The following TGFBR3 variants were observed in gnomAD, a reference collection of about 807,000 sequenced individuals.
TGFBR3 encodes transforming growth factor beta receptor type 3.
TGFBR3 carries 46 observed loss-of-function variants against 87.9 expected under a neutral mutation model. The observed-to-expected ratio is 0.52, with a 90% confidence interval of 0.41 to 0.67. TGFBR3 has a LOEUF of 0.67. Ranked by LOEUF, TGFBR3 falls within the 30% of genes least tolerant of loss-of-function variation. The probability of loss-of-function intolerance (pLI) is 0.00; values close to 1 mark genes in which losing one functional copy is unlikely to be tolerated. For synonymous variants in TGFBR3, 381 were observed against 391.6 expected (o/e 0.97, Z 0.32); for missense variants, 866 against 1,041.9 (o/e 0.83, Z 2.32).
In TGFBR3 at chr1:91,709,500, A is replaced by G. The variant is rs369779000; in HGVS notation, c.2167-717T>C. On this transcript the variant is annotated intron_variant, in intron 13 of 16. Transcript: ENST00000212355. The stretch of plus-strand genomic sequence containing the variant: ...TACATTTTTCTCCAATAAGATAATC[A>G]TGTTGCTGAGTTTGTTTCATTTTTA... Among the ~76,000 whole-genome samples the G allele has an allele frequency of 5.3e-5, 8 of 152,346 alleles. No individual in the cohort carries two copies. The South Asian group carries it at 1.7e-3, about 32-fold the overall frequency.
chr1:91,792,328 CG>C (rs1322429291), intron 3 of TGFBR3, among the ~76,000 whole-genome samples: 1 of 152,146 alleles, frequency 6.6e-6, no homozygotes, highest in Non-Finnish European at 1.5e-5. Flanking sequence ...AGCTTTTTGA[CG>C]GGTGAAGTTA....
In TGFBR3 at chr1:91,797,056, G is replaced by T. The variant is rs11466569; in HGVS notation, c.246+231C>A. Among the ~76,000 whole-genome samples, 438 of 152,136 alleles carry T rather than the reference G, an allele frequency of 2.9e-3. 3 individuals carry two copies. Among genetic ancestry groups the T allele is most frequent in the African/African-American group, 9.9e-3 (410 of 41,488 alleles). ...CCTAAAAGTTGAAATTCTTATGAAC[G>T]TTTTTTTCCAATACGGAGGGCCAGG... On this transcript the variant is annotated intron_variant, in intron 3 of 16. Transcript: ENST00000212355.
intron 1 of TGFBR3, among the ~76,000 whole-genome samples, chr1:91,871,942 A>G (rs1344012789): frequency 2.0e-5 from 3 of 152,194 alleles, no homozygotes; most frequent in Non-Finnish European, 4.4e-5. Flanking sequence ...TTAATAAATA[A>G]AGCACTTACT....
intron 14 of TGFBR3, among the ~76,000 whole-genome samples, 182 bp from the exon 15 acceptor site, chr1:91,698,312 T>C (rs562339038): frequency 2.6e-5 from 4 of 152,144 alleles, no homozygotes; most frequent in Non-Finnish European, 5.9e-5. Flanking sequence ...TTTTAAGCAT[T>C]GCATTTTGTT....
intron 2 of TGFBR3, among the ~76,000 whole-genome samples, chr1:91,818,381 G>T (rs1248448739): frequency 1.4e-5 from 2 of 139,748 alleles, no homozygotes; most frequent in African/African-American, 5.3e-5. Flanking sequence ...AGCTGACTCT[G>T]CACATGCCTC....
At chr1:91,883,549 C>A (rs1417649709) in intron 1 of TGFBR3, among the ~76,000 whole-genome samples, 2 of 152,220 alleles carry the variant, frequency 1.3e-5, no homozygotes, top group South Asian at 4.2e-4. Context: ...GGTTTATGCG[C>A]CTTATAGATA....
chr1:91,806,225 C>T (rs1675821728), intron 2 of TGFBR3, among the ~76,000 whole-genome samples: 1 of 152,164 alleles, frequency 6.6e-6, no homozygotes, highest in Admixed American at 6.5e-5. Context: ...TGTCTAAATT[C>T]CCAGTTCCAC....
chr1:91,720,915 T>C (rs1672346947), intron 8 of TGFBR3, among the ~76,000 whole-genome samples: 1 of 152,214 alleles, frequency 6.6e-6, no homozygotes, highest in African/African-American at 2.4e-5. Context: ...TTTTGGAACA[T>C]ATTCCCTTGA....
chr1:91,867,452 C>T (rs1173374678), intron 1 of TGFBR3, among the ~76,000 whole-genome samples: 3 of 152,188 alleles, frequency 2.0e-5, no homozygotes, highest in African/African-American at 7.2e-5. Context: ...CCCCAGCAGC[C>T]TTGGTTTCCT....
At position 91,812,212 on chromosome 1, in the gene TGFBR3, A is replaced by G. The variant is rs535253559; in HGVS notation, c.62-14741T>C. ...CAAAGCTACATCTATTATTTAAAGT[A>G]GTAATTCCTTCTCTCAGTATTTCAT... On this transcript the variant is annotated intron_variant, in intron 2 of 16. Transcript: ENST00000212355. Among the ~76,000 whole-genome samples, 57 of 152,230 alleles carry G rather than the reference A, an allele frequency of 3.7e-4. 1 individual carries two copies. Among genetic ancestry groups the G allele is most frequent in the Non-Finnish European group, 7.6e-4 (52 of 68,038 alleles).
Position 91,719,969 on chromosome 1 carries a change from C to T in TGFBR3, c.1337G>A (p.Gly446Glu). ...GACAGACAGGGCAATATCCACGCTC[C>T]CTTGCACCTCTTCTGGCTCTCTGAG... ...PGLREPEEVQ[G>E]SVDIALSVKC... Residue 446 changes from glycine to glutamate, a missense_variant, in exon 9 of 17, where the codon GGG (glycine) becomes GAG (glutamate). Transcript: ENST00000212355. The T allele has an allele frequency of 1.2e-6, 2 of 1,614,182 alleles. No homozygotes were observed. The highest frequency in any genetic ancestry group is 1.1e-5 in the South Asian group (1 of 91,074).
intron 1 of TGFBR3, among the ~76,000 whole-genome samples, chr1:91,904,626 G>A (rs1036348049): frequency 4.7e-5 from 7 of 148,902 alleles, no homozygotes; most frequent in Non-Finnish European, 8.9e-5. Flanking sequence ...GTGCAGTGGT[G>A]CAATCTCGGC....
intron 3 of TGFBR3, among the ~76,000 whole-genome samples, chr1:91,780,884 TACACACACACACACACAC>T (rs56862200): frequency 1.7e-3 from 230 of 132,658 alleles, no homozygotes; most frequent in African/African-American, 6.2e-3. Context: ...ACTAGAGAAC[TACACACACACACACACAC>T]ACACACACAC....
chr1:91,740,515 C>T (rs907446813), intron 4 of TGFBR3, among the ~76,000 whole-genome samples: 3 of 152,070 alleles, frequency 2.0e-5, no homozygotes, highest in African/African-American at 7.2e-5. Flanking sequence ...CAGGCGTCCA[C>T]CATCAGGCCC....
At chr1:91,890,440 A>C (rs1679420701), upstream of TGFBR3, among the ~76,000 whole-genome samples, 3 of 26,492 alleles carry the variant, frequency 1.1e-4, no homozygotes, top group Non-Finnish European at 1.7e-4. Flanking sequence ...TTTTTTTGAG[A>C]CACAGTTTCC....
chr1:91,772,859 T>C (rs1227383429), intron 3 of TGFBR3, among the ~76,000 whole-genome samples: 1 of 152,222 alleles, frequency 6.6e-6, no homozygotes, highest in Non-Finnish European at 1.5e-5. Context: ...TCAGAATCTC[T>C]CTCATTCTTT....
chr1:91,868,405 C>CA (rs1332362280), intron 1 of TGFBR3, among the ~76,000 whole-genome samples: 1 of 152,060 alleles, frequency 6.6e-6, no homozygotes, highest in Admixed American at 6.6e-5. Flanking sequence ...CCCTCCATCA[C>CA]AAAAAAATGA....
At chr1:91,713,427 C>G (rs531906851) in intron 12 of TGFBR3, among the ~76,000 whole-genome samples, 1 of 152,216 alleles carries the variant, frequency 6.6e-6, no homozygotes, top group Non-Finnish European at 1.5e-5. Flanking sequence ...TTTGGTGACA[C>G]GTGGATCACT....
At chr1:91,758,932 A>G (rs1673849897) in intron 3 of TGFBR3, among the ~76,000 whole-genome samples, 182 bp from the exon 4 acceptor site, 1 of 152,170 alleles carries the variant, frequency 6.6e-6, no homozygotes, top group African/African-American at 2.4e-5. Context: ...ATATTTGACC[A>G]TTTTTTACTA....
Sources: allele counts gnomAD v4.1 joint callset (sites outside exome capture counted in the v4.1 genomes callset), GRCh38; gene constraint gnomAD v4.1.1; transcripts MANE v1.5; gene names NCBI Gene and HGNC (gene_info 2026-07-23, HGNC 2026-07-21).